Variants in HERC2 observed in about 807,000 individuals in gnomAD.
The protein encoded by HERC2 is E3 ubiquitin-protein ligase HERC2.
A neutral mutation model predicts 537.7 loss-of-function variants in HERC2; 102 were observed. The observed-to-expected ratio is 0.19, with a 90% CI of 0.16 to 0.22. HERC2 has a LOEUF of 0.22. HERC2 is among the 10% of genes least tolerant of loss of function. The pLI is 1.00. For missense variants in HERC2, 4,236 were observed against 6,198.2 expected, an observed-to-expected ratio of 0.68 and a Z score of 10.63; for synonymous variants, 2,224 against 2,466.2, an observed-to-expected ratio of 0.90 and a Z score of 2.91.
intron 45 of HERC2, among the ~76,000 whole-genome samples, chr15:28,205,424 A>T (rs1321778433): frequency 7.5e-6 from 1 of 132,498 alleles, no homozygotes; most frequent in Non-Finnish European, 1.6e-5. Flanking sequence ...CTCATGGCCA[A>T]CCTCCTCCCT....
At chr15:28,119,179 T>A (rs750243426) in intron 86 of HERC2, among the ~76,000 whole-genome samples, 3 of 151,982 alleles carry the variant, frequency 2.0e-5, no homozygotes, top group Non-Finnish European at 2.9e-5. Context: ...GTGGATCACC[T>A]GCAGTCAGGA....
chr15:28,151,401 C>T (rs938961069), intron 70 of HERC2, among the ~76,000 whole-genome samples: 4 of 152,044 alleles, frequency 2.6e-5, no homozygotes, highest in African/African-American at 9.7e-5. Context: ...CCCAGGAATT[C>T]GAGGCTACAG....
At chr15:28,191,275 GT>G in intron 53 of HERC2, 31 bp from the exon 54 acceptor site, 2 of 1,455,824 alleles carry the variant, frequency 1.4e-6, no homozygotes, top group Non-Finnish European at 1.9e-6. Context: ...CACATTCTCA[GT>G]TAGCAAAATT....
At position 28,268,705 on chromosome 15, in the gene HERC2, A is replaced by C; in HGVS notation, c.1447-89T>G. Reference sequence around the variant, plus strand: ...TCTCCGTTATCATGTATCCCCAAGCAAAGCCTGCTGTAACTCCAAGTGGGG... The same window carrying C: ...TCTCCGTTATCATGTATCCCCAAGCCAAGCCTGCTGTAACTCCAAGTGGGG... On this transcript the variant is annotated intron_variant, in intron 11 of 92. Transcript: ENST00000261609. This position sits in a 1 kb window ranked among gnomAD's most constrained non-coding sequence, Gnocchi z 4.7. 8.8e-7 allele frequency: 1 copy of C among 1,131,700 alleles called. No individual in the cohort carries two copies. 70.1% of individuals were successfully genotyped at this position (1,131,700 alleles called of 1,614,324 possible).
chr15:28,241,245 T>G (rs543799155), intron 23 of HERC2, among the ~76,000 whole-genome samples: 10 of 152,140 alleles, frequency 6.6e-5, no homozygotes, highest in Admixed American at 2.0e-4. Context: ...AAAAAAGGTA[T>G]GCAAATGGTC....
At chr15:28,208,243 T>A (rs1898700510) in intron 44 of HERC2, among the ~76,000 whole-genome samples, 1 of 152,222 alleles carries the variant, frequency 6.6e-6, no homozygotes, top group African/African-American at 2.4e-5. Flanking sequence ...CTCCACATTC[T>A]ACTGGACTTG....
chr15:28,134,469 A>G (rs1270787077), intron 79 of HERC2, among the ~76,000 whole-genome samples: 1 of 152,192 alleles, frequency 6.6e-6, no homozygotes. Flanking sequence ...GCACTGCTGT[A>G]CCGCACTTAC....
Position 28,226,320 on chromosome 15 carries a change from C to T in HERC2, c.5464+1898G>A, listed in dbSNP as rs181689516. Among the ~76,000 whole-genome samples the T allele has an allele frequency of 4.3e-3, 660 of 151,898 alleles. 7 individuals carry two copies. The highest frequency in any genetic ancestry group is 0.015 in the African/African-American group (616 of 41,268). On this transcript the variant is annotated intron_variant, in intron 35 of 92. Coordinates refer to ENST00000261609, the MANE Select transcript of HERC2 (RefSeq NM_004667.6). ...GAAAATGCAAGGGACCCAAAGTAGCCAAAATCATCTTGAGAAAGAAAACAC... is the reference window on the plus strand; with the variant it reads ...GAAAATGCAAGGGACCCAAAGTAGCTAAAATCATCTTGAGAAAGAAAACAC...
intron 36 of HERC2, among the ~76,000 whole-genome samples, 195 bp from the exon 37 acceptor site, chr15:28,220,839 G>A (rs1900452388): frequency 6.7e-6 from 1 of 149,038 alleles, no homozygotes; most frequent in Non-Finnish European, 1.5e-5. Flanking sequence ...CAGTTAGGAG[G>A]GTGCGTGCCC....
chr15:28,262,933 A>C lies in HERC2; in HGVS notation c.2107T>G (p.Leu703Val), dbSNP rs986149146. 6.2e-7 allele frequency: 1 copy of C among 1,613,968 alleles called. No individual in the cohort carries two copies. Among genetic ancestry groups the C allele is most frequent in the African/African-American group, 1.3e-5 (1 of 74,932 alleles). Residue 703 changes from leucine (L) to valine (V), a missense_variant, in exon 15 of 93, where the codon TTA becomes GTA. Physicochemically the swap from Leu to Val is conservative, Grantham distance 32. Coordinates refer to ENST00000261609, the MANE Select transcript of HERC2 (RefSeq NM_004667.6). ...TTGCACTCACCTTGCAAGCCTTCTA[A>C]GAGTTTTGGATAACGAACATGTTCC... Reference protein sequence around the residue: ...TEEHVRYPKLLEGLQGKKVID... With the variant: ...TEEHVRYPKLVEGLQGKKVID...
chr15:28,138,774 C>A (rs1890902858), intron 78 of HERC2, among the ~76,000 whole-genome samples: 1 of 152,182 alleles, frequency 6.6e-6, no homozygotes, highest in African/African-American at 2.4e-5. Context: ...AAATACATTT[C>A]ATAAGGCTAT....
At chr15:28,180,692 T>C (rs113839970) in intron 57 of HERC2, among the ~76,000 whole-genome samples, 12 of 152,230 alleles carry the variant, frequency 7.9e-5, no homozygotes, top group African/African-American at 1.9e-4. Flanking sequence ...TCTGTATCCA[T>C]AGGTTCCACG....
rs1901732462 is a variant in HERC2 at position 28,230,651 on chromosome 15, G to GA, written c.4676-152dup. On this transcript the variant is annotated intron_variant, in intron 30 of 92. Transcript: ENST00000261609. ...AATTGCAATGCTCAACAACAAGAGT[G>GA]AAATGATCACCCTGGCAGAACAAAA... is the stretch of plus-strand genomic sequence containing the variant. 5.1e-6 allele frequency: 3 copies of GA among 584,634 alleles called. No individual in the cohort carries two copies. The East Asian group carries it at 8.9e-5, about 17-fold the overall frequency. The allele number at this position is 584,634 out of a possible 1,614,324, so 36.2% of individuals were successfully genotyped here. A position where few individuals can be genotyped will look rare whatever the true frequency, so the allele number is the denominator to read the frequency against.
intron 23 of HERC2, among the ~76,000 whole-genome samples, chr15:28,243,694 C>A (rs1318517483): frequency 6.6e-6 from 1 of 152,094 alleles, no homozygotes; most frequent in Non-Finnish European, 1.5e-5. Flanking sequence ...AGTGTACACC[C>A]ACCAGAATGG....
In HERC2 at chr15:28,268,874, C is replaced by A. The variant is rs972375972; in HGVS notation, c.1447-258G>T. Among the ~76,000 whole-genome samples, 1 of 152,176 alleles carries A rather than the reference C, an allele frequency of 6.6e-6. No individual in the cohort carries two copies. Among genetic ancestry groups the A allele is most frequent in the South Asian group, 2.1e-4 (1 of 4,822 alleles). On this transcript the variant is annotated intron_variant, in intron 11 of 92. Transcript: ENST00000261609. This position sits in a 1 kb window ranked among gnomAD's most constrained non-coding sequence, Gnocchi z 4.7. ...AGGCTAGCCCCATGCCACAGAGACA[C>A]GCAGCCGACAGGGAGGAACACCTCG...
At chr15:28,135,367 G>C (rs1236168943) in intron 79 of HERC2, 111 bp downstream of exon 79, 1 of 783,676 alleles carries the variant, frequency 1.3e-6, no homozygotes, top group Non-Finnish European at 2.1e-6. Context: ...TTTAGTTTGA[G>C]AGTATTGTAA....
chr15:28,154,837 A>C lies in HERC2; in HGVS notation c.10747-2007T>G, dbSNP rs543839423. On this transcript the variant is annotated intron_variant, in intron 69 of 92. Coordinates refer to ENST00000261609, the MANE Select transcript of HERC2 (RefSeq NM_004667.6). ...ACGTGCAGGTTTGTTACATATGTACACATGTGCCATGTTGTTGTGCTGCAC... is the reference window on the plus strand; with the variant it reads ...ACGTGCAGGTTTGTTACATATGTACCCATGTGCCATGTTGTTGTGCTGCAC... Among the ~76,000 whole-genome samples the C allele has an allele frequency of 2.2e-4, 33 of 152,222 alleles. No individual in the cohort carries two copies. The South Asian group carries it at 5.6e-3, about 26-fold the overall frequency.
Position 28,214,678 on chromosome 15 carries a change from G to A in HERC2, c.6335C>T (p.Ser2112Phe), listed in dbSNP as rs542163867. ...DFLGSLLTTC[S>F]SDVPLLREST... ...ACCTCTGAGTAATGGCACGTCAGAGGAGCAGGTAGTGAGCAAGCTTCCCAA... is the reference window on the plus strand; with the variant it reads ...ACCTCTGAGTAATGGCACGTCAGAGAAGCAGGTAGTGAGCAAGCTTCCCAA... Residue 2112 changes from serine to phenylalanine, a missense_variant, in exon 40 of 93, where the codon TCC becomes TTC. Around this residue, in one of 27 missense-constraint regions of HERC2, gnomAD observed 365 missense variants for 468.8 expected, o/e 0.78. Coordinates refer to ENST00000261609, the MANE Select transcript of HERC2 (RefSeq NM_004667.6). 5.0e-6 allele frequency: 8 copies of A among 1,612,036 alleles called. No individual in the cohort carries two copies. Among genetic ancestry groups the A allele is most frequent in the South Asian group, 2.2e-5 (2 of 90,992 alleles).
chr15:28,153,640 G>C (rs1838108917), intron 69 of HERC2, among the ~76,000 whole-genome samples: 1 of 152,106 alleles, frequency 6.6e-6, no homozygotes, highest in Admixed American at 6.5e-5. Context: ...GACAGAGAGA[G>C]ACTCTGTCTC....
Sources: allele counts gnomAD v4.1 joint callset (sites outside exome capture counted in the v4.1 genomes callset), GRCh38; gene constraint gnomAD v4.1.1; regional missense constraint gnomAD v4.1.1; non-coding constraint Gnocchi (gnomAD v3.1); transcripts MANE v1.5; gene names NCBI Gene and HGNC (gene_info 2026-07-23, HGNC 2026-07-21).